SNX19: variants seen among roughly 807,000 people sequenced by gnomAD.
SNX19 encodes the protein sorting nexin 19.
A neutral mutation model predicts 85.2 loss-of-function variants in SNX19; 60 were observed. The ratio of observed to expected loss-of-function variants is 0.70; its 90% CI spans 0.57 to 0.87. The LOEUF (loss-of-function observed/expected upper bound fraction) is 0.87, where lower values mean the gene tolerates loss of function less well. Among genes scored for constraint, SNX19 ranks in the 40% least tolerant of loss-of-function variants. The probability of loss-of-function intolerance (pLI) is 0.00; values close to 1 mark genes in which losing one functional copy is unlikely to be tolerated. For synonymous variants in SNX19, 520 were observed against 470.0 expected, an observed-to-expected ratio of 1.11 and a Z score of -1.38; for missense variants, 1,201 against 1,217.8, an observed-to-expected ratio of 0.99 and a Z score of 0.21.
Position 130,915,305 on chromosome 11 carries a change from G to T in SNX19, c.635C>A (p.Thr212Lys), listed in dbSNP as rs773921084. The T allele has an allele frequency of 8.7e-6, 14 of 1,614,190 alleles. No homozygotes were observed. Among genetic ancestry groups the T allele is most frequent in the Non-Finnish European group, 1.2e-5 (14 of 1,180,018 alleles). ...AAGCAACAAATTCACAACGCCACGC[G>T]TATAGGTGACTTCAGCACTGGGGCT... is the stretch of plus-strand genomic sequence containing the variant. ...VHSPSAEVTYTRGVVNLLLQG... is the reference protein window; with the variant it reads ...VHSPSAEVTYKRGVVNLLLQG... Residue 212 changes from threonine (T) to lysine (K), a missense_variant, in exon 1 of 11, where the codon ACG (threonine) becomes AAG (lysine). Thr to Lys is a moderately conservative substitution (Grantham distance 78, BLOSUM62 -1). Coordinates refer to ENST00000265909, the MANE Select transcript of SNX19 (RefSeq NM_014758.3).
chr11:130,900,171 C>T (rs1015279737), intron 8 of SNX19, among the ~76,000 whole-genome samples: 3 of 152,058 alleles, frequency 2.0e-5, no homozygotes, highest in Non-Finnish European at 2.9e-5. Flanking sequence ...TAGCCAAGCA[C>T]GGTGGTGTGT....
chr11:130,890,514 G>C (rs1944419245), intron 8 of SNX19, among the ~76,000 whole-genome samples: 1 of 152,192 alleles, frequency 6.6e-6, no homozygotes, highest in South Asian at 2.1e-4. Flanking sequence ...TTCTTGGAAT[G>C]ACTCACAGGA....
intron 7 of SNX19, among the ~76,000 whole-genome samples, chr11:130,904,077 A>G (rs1945473426): frequency 6.6e-6 from 1 of 152,138 alleles, no homozygotes; most frequent in African/African-American, 2.4e-5. Context: ...AACAATTACT[A>G]CGTTCTTTCC....
rs774090507 is a variant in SNX19, at chr11:130,874,562, G to A, written c.*3860C>T. Among the ~76,000 whole-genome samples, 3 of 152,068 alleles carry A rather than the reference G, an allele frequency of 2.0e-5. No homozygotes were observed. Among genetic ancestry groups the A allele is most frequent in the Non-Finnish European group, 4.4e-5 (3 of 68,016 alleles). On this transcript the variant is annotated 3_prime_UTR_variant, in exon 11 of 11. Coordinates refer to ENST00000265909, the MANE Select transcript of SNX19 (RefSeq NM_014758.3). ...AGAGTTGCTGAATCACCAAACTCCT[G>A]GGCTTACCTACTCACGTACTAATGT...
At position 130,870,008 on chromosome 11, in the gene SNX19, T is replaced by C. The variant is rs1942957992; in HGVS notation, c.*8414A>G. 1 of 152,148 alleles carries C rather than the reference T, an allele frequency of 6.6e-6. No homozygotes were observed. Among genetic ancestry groups the C allele is most frequent in the Non-Finnish European group, 1.5e-5 (1 of 68,020 alleles). 9.4% of individuals were successfully genotyped at this position (152,148 alleles called of 1,614,324 possible). A position where few individuals can be genotyped will look rare whatever the true frequency, so the allele number is the denominator to read the frequency against. ...TTTTTTGAAGAAAGTTTCTTCTCTG[T>C]TGCTATTTAGTTTTAACAAAGGAGT... is the stretch of plus-strand genomic sequence containing the variant. On this transcript the variant is annotated 3_prime_UTR_variant, in exon 11 of 11. Transcript: ENST00000265909.
Position 130,867,415 on chromosome 11 carries a change from TG to T in SNX19, c.*11006del, listed in dbSNP as rs535387130. 6.6e-6 allele frequency: 1 copy of T among 152,214 alleles called. No homozygotes were observed. The highest frequency in any genetic ancestry group is 1.5e-5 in the Non-Finnish European group (1 of 68,044). 9.4% of individuals were successfully genotyped at this position (152,214 alleles called of 1,614,324 possible). On this transcript the variant is annotated 3_prime_UTR_variant, in exon 11 of 11. Transcript: ENST00000265909. ...TAGATGATCAGTGCCACCACCATCC[TG>T]GGAAAAGCTAACTGGCGGTGAGCAG...
Position 130,915,901 on chromosome 11 carries a change from T to C in SNX19, c.39A>G (p.Pro13=). 6.2e-7 allele frequency: 1 copy of C among 1,614,066 alleles called. No individual in the cohort carries two copies. Among genetic ancestry groups the C allele is most frequent in the Non-Finnish European group, 8.5e-7 (1 of 1,179,910 alleles). The change falls in exon 1 of 11, where the codon CCA becomes CCG. Residue 13 remains proline (P), a synonymous_variant. Coordinates refer to ENST00000265909, the MANE Select transcript of SNX19 (RefSeq NM_014758.3). ...TATTGAGGTGACAGCTCGATCCAGCTGGAGTTTCCTGGAACGGTGGCACTG... is the reference window on the plus strand; with the variant it reads ...TATTGAGGTGACAGCTCGATCCAGCCGGAGTTTCCTGGAACGGTGGCACTG... The part of the protein sequence containing the change: ...TETVPPFQET[P]AGSSCHLNNL...
intron 7 of SNX19, among the ~76,000 whole-genome samples, chr11:130,904,054 G>C (rs1271443867): frequency 1.3e-5 from 2 of 152,126 alleles, no homozygotes; most frequent in African/African-American, 4.8e-5. Context: ...CCACACCTCT[G>C]GTAAAATGCC....
rs568607581 is a variant in SNX19, at chr11:130,876,142, T to C, written c.*2280A>G. On this transcript the variant is annotated 3_prime_UTR_variant, in exon 11 of 11. Transcript: ENST00000265909. ...TGAATAAAATTTAGTCACGAGTAAATACAAAAAACAAGCAAACAATAAAAC... is the reference window on the plus strand; with the variant it reads ...TGAATAAAATTTAGTCACGAGTAAACACAAAAAACAAGCAAACAATAAAAC... 1 of 152,248 alleles carries C rather than the reference T, an allele frequency of 6.6e-6. No individual in the cohort carries two copies. The highest frequency in any genetic ancestry group is 2.1e-4 in the South Asian group (1 of 4,830). The allele number at this position is 152,248 out of a possible 1,614,324, so 9.4% of individuals were successfully genotyped here.
chr11:130,901,766 T>C (rs1945272536), intron 8 of SNX19: 1 of 152,134 alleles, frequency 6.6e-6, no homozygotes, highest in African/African-American at 2.4e-5. Flanking sequence ...GTGTAACTTC[T>C]GTGGTTGGGT....
rs1942806767 is a variant in SNX19 at position 130,867,294 on chromosome 11, TAC to T, written c.*11126_*11127del. The T allele has an allele frequency of 2.0e-5, 3 of 152,322 alleles. No individual in the cohort carries two copies. In the South Asian group the frequency reaches 6.2e-4, roughly 32 times the overall value. The allele number at this position is 152,322 out of a possible 1,614,324, so 9.4% of individuals were successfully genotyped here. Reference sequence around the variant, plus strand: ...ATACTTTGTGATATAGAAAGTCCTATACATGTGTGAAGTCTTTTCCTCAGAGG... The same window carrying T: ...ATACTTTGTGATATAGAAAGTCCTATATGTGTGAAGTCTTTTCCTCAGAGG... On this transcript the variant is annotated 3_prime_UTR_variant, in exon 11 of 11. Coordinates refer to ENST00000265909, the MANE Select transcript of SNX19 (RefSeq NM_014758.3).
Position 130,881,070 on chromosome 11 carries a change from G to C in SNX19, c.2574-264C>G, listed in dbSNP as rs544086366. On this transcript the variant is annotated intron_variant, in intron 8 of 10. Transcript: ENST00000265909. ...GGAGAAGACAGCTGTCTATGAACAA[G>C]GAAAAGGGCCCTTGCCAGACACCAG... 485 of 302,174 alleles carry C rather than the reference G, an allele frequency of 1.6e-3. 2 individuals carry two copies. The highest frequency in any genetic ancestry group is 2.3e-3 in the Non-Finnish European group (380 of 165,632). 18.7% of individuals were successfully genotyped at this position (302,174 alleles called of 1,614,324 possible).
At position 130,903,376 on chromosome 11, in the gene SNX19, T is replaced by A. The variant is rs772724151; in HGVS notation, c.2452A>T (p.Thr818Ser). ...TCCAGGGCTGTGTCAGCTAACTCTG[T>A]CTCTGTTCCTGAGGGATAAAATGGC... is the stretch of plus-strand genomic sequence containing the variant. ...DPSNSDPGTE[T>S]ELADTALDLL... The change falls in exon 8 of 11, where the codon ACA (threonine) becomes TCA (serine). Residue 818 changes from threonine (T) to serine (S), a missense_variant. Physicochemically the swap from Thr to Ser is moderately conservative, Grantham distance 58. Around this residue, in one of 3 missense-constraint regions of SNX19, gnomAD observed 285 missense variants for 295.3 expected, o/e 0.97. Transcript: ENST00000265909. 6.2e-6 allele frequency: 10 copies of A among 1,612,280 alleles called. No individual in the cohort carries two copies. The East Asian group carries it at 1.8e-4, about 29-fold the overall frequency.
chr11:130,888,937 T>C (rs1293633774), intron 8 of SNX19, among the ~76,000 whole-genome samples: 1 of 152,182 alleles, frequency 6.6e-6, no homozygotes, highest in Non-Finnish European at 1.5e-5. Flanking sequence ...CCATTTTCCT[T>C]GACAAAGAAA....
At chr11:130,891,160 T>A (rs1461636389) in intron 8 of SNX19, among the ~76,000 whole-genome samples, 1 of 152,218 alleles carries the variant, frequency 6.6e-6, no homozygotes, top group African/African-American at 2.4e-5. Flanking sequence ...TCCTTTATAT[T>A]TGGCATTCCA....
At position 130,911,664 on chromosome 11, in the gene SNX19, C is replaced by T. The variant is rs1946138222; in HGVS notation, c.1782G>A (p.Glu594=). Residue 594 remains glutamate, a synonymous_variant, in exon 2 of 11, where the codon GAG becomes GAA. Transcript: ENST00000265909. ...TGAACTTTCGTAGATCTGGTTTCTC[C>T]TCCAGACGGGTCTGCAGATTCAAGA... ...REFLNLQTRL[E]EKPDLRKFIK... 3 of 1,614,070 alleles carry T rather than the reference C, an allele frequency of 1.9e-6. No homozygotes were observed. The Admixed American group carries it at 5.0e-5, about 27-fold the overall frequency.
chr11:130,887,231 A>G (rs1944151076), intron 8 of SNX19, among the ~76,000 whole-genome samples: 1 of 152,234 alleles, frequency 6.6e-6, no homozygotes, highest in Admixed American at 6.5e-5. Context: ...ACAGATATAA[A>G]ATTAATATGT....
chr11:130,898,120 AG>A (rs1239821923), intron 8 of SNX19, among the ~76,000 whole-genome samples: 2 of 151,414 alleles, frequency 1.3e-5, no homozygotes, highest in African/African-American at 4.8e-5. Context: ...ACTTTGGCTT[AG>A]AAGGAGGGGT....
At position 130,911,462 on chromosome 11, in the gene SNX19, T is replaced by C. The variant is rs150945891; in HGVS notation, c.1813+171A>G. ...CAGTAAAGGACTACCTCTGAAAGAATGTGATTGCTGCTGTCCAGCACTAAA... is the reference window on the plus strand; with the variant it reads ...CAGTAAAGGACTACCTCTGAAAGAACGTGATTGCTGCTGTCCAGCACTAAA... On this transcript the variant is annotated intron_variant, in intron 2 of 10. Coordinates refer to ENST00000265909, the MANE Select transcript of SNX19 (RefSeq NM_014758.3). The C allele has an allele frequency of 5.9e-5, 85 of 1,436,250 alleles. 1 individual carries two copies. Among genetic ancestry groups the C allele is most frequent in the East Asian group, 5.1e-4 (20 of 39,382 alleles). The allele number at this position is 1,436,250 out of a possible 1,614,324, so 89.0% of individuals were successfully genotyped here. A position where few individuals can be genotyped will look rare whatever the true frequency, so the allele number is the denominator to read the frequency against.
Sources: gnomAD v4.1 joint callset for allele counts (sites outside exome capture counted in the v4.1 genomes callset) on GRCh38, gnomAD v4.1.1 for gene constraint, gnomAD v4.1.1 regional missense constraint, MANE v1.5 for transcripts, NCBI Gene and HGNC (gene_info 2026-07-23, HGNC 2026-07-21) for gene names.